The following NFAM1 variants were observed in gnomAD, a reference collection of about 807,000 sequenced individuals.
NFAM1 encodes NFAT activation molecule 1.
NFAM1 carries 17 observed loss-of-function variants against 29.0 expected under a neutral mutation model. The ratio of observed to expected loss-of-function variants is 0.59; its 90% CI spans 0.40 to 0.88. NFAM1 has a LOEUF of 0.88. Ranked by LOEUF, NFAM1 falls within the 40% of genes least tolerant of loss-of-function variation. The pLI, the probability that NFAM1 is intolerant of heterozygous loss-of-function variation, is 0.00. For synonymous variants in NFAM1, 175 were observed against 147.2 expected (o/e 1.19, Z -1.36); for missense variants, 324 against 344.6 (o/e 0.94, Z 0.47).
rs1225785404 is a variant in NFAM1, at chr22:42,396,033, AATGGCTCTT to A, written c.663+1816_663+1824del. ...CCTGGCACATAGTAGGTACACAACA[AATGGCTCTT>A]GATACCATCATCGTTGTGACTGTCA... On this transcript the variant is annotated intron_variant, in intron 4 of 5. Transcript: ENST00000329021. 2.0e-5 allele frequency among the ~76,000 whole-genome samples: 3 copies of A among 152,332 alleles called. No individual in the cohort carries two copies. In the East Asian group the frequency reaches 5.8e-4, roughly 29 times the overall value.
rs142903439 is a variant in NFAM1 at position 42,409,545 on chromosome 22, C to A, written c.454G>T (p.Ala152Ser). ...GSGTFILVRD[A>S]GYREPPQSPQ... ...CTCTGCGGGGGCTCTCGGTACCCTG[C>A]GTCTAGGAGGAAGCGCAGGGGAGCA... is the stretch of plus-strand genomic sequence containing the variant. The change falls in exon 3 of 6, where the codon GCA (alanine) becomes TCA (serine). Residue 152 changes from alanine to serine, a missense_variant and splice_region_variant. Physicochemically the swap from Ala to Ser is moderately conservative, Grantham distance 99. Coordinates refer to ENST00000329021, the MANE Select transcript of NFAM1 (RefSeq NM_145912.8). This position sits in a 1 kb window ranked among gnomAD's most constrained non-coding sequence, Gnocchi z 4.9. 2.7e-6 allele frequency: 4 copies of A among 1,493,212 alleles called. No homozygotes were observed. The East Asian group carries it at 1.0e-4, about 38-fold the overall frequency. 92.5% of individuals were successfully genotyped at this position (1,493,212 alleles called of 1,614,324 possible).
At chr22:42,427,991 T>C (rs1930677753) in intron 1 of NFAM1, among the ~76,000 whole-genome samples, 1 of 152,196 alleles carries the variant, frequency 6.6e-6, no homozygotes, top group Admixed American at 6.5e-5. Flanking sequence ...CAGGACTTTG[T>C]TTTCTAGTGC....
Position 42,419,929 on chromosome 22 carries a change from A to T in NFAM1, c.122-8193T>A, listed in dbSNP as rs1339262335. Among the ~76,000 whole-genome samples, 1 of 145,534 alleles carries T rather than the reference A, an allele frequency of 6.9e-6. No homozygotes were observed. The highest frequency in any genetic ancestry group is 1.5e-5 in the Non-Finnish European group (1 of 66,858). On this transcript the variant is annotated intron_variant, in intron 1 of 5. Coordinates refer to ENST00000329021, the MANE Select transcript of NFAM1 (RefSeq NM_145912.8). This position sits in a 1 kb window ranked among gnomAD's most constrained non-coding sequence, Gnocchi z 4.5. The stretch of plus-strand genomic sequence containing the variant: ...CAGAGAAGGCAAGAGGTTTGCCCAA[A>T]TTGCAGTGGTAGACATGGGATTTTA...
In NFAM1 at chr22:42,388,635, A is replaced by AGGGCGGG. The variant is rs1929230602; in HGVS notation, c.664-1564_664-1558dup. Among the ~76,000 whole-genome samples, 1 of 139,460 alleles carries AGGGCGGG rather than the reference A, an allele frequency of 7.2e-6. No homozygotes were observed. The highest frequency in any genetic ancestry group is 1.6e-5 in the Non-Finnish European group (1 of 63,854). The allele number at this position is 139,460 out of a possible 152,430, so 91.5% of individuals were successfully genotyped here. On this transcript the variant is annotated intron_variant, in intron 4 of 5. Transcript: ENST00000329021. This position sits in a 1 kb window ranked among gnomAD's most constrained non-coding sequence, Gnocchi z 4.1. Reference sequence around the variant, plus strand: ...ACAGGTGGTGCTCAGAGGCAGGAGGAGGGCGGGAGGCGGGAGGGAAGGAGG... The same window carrying AGGGCGGG: ...ACAGGTGGTGCTCAGAGGCAGGAGGAGGGCGGGGGGCGGGAGGCGGGAGGGAAGGAGG...
chr22:42,433,754 T>C (rs1015151163), upstream of NFAM1, among the ~76,000 whole-genome samples: 9 of 152,118 alleles, frequency 5.9e-5, no homozygotes, highest in African/African-American at 1.2e-4. Context: ...GGGACCCCAG[T>C]GTTATTGACT....
intron 4 of NFAM1, among the ~76,000 whole-genome samples, chr22:42,391,363 G>A (rs1468984686): frequency 7.1e-6 from 1 of 139,976 alleles, no homozygotes. Flanking sequence ...GGGGGTGGGG[G>A]TAGGGGGACA....
intron 3 of NFAM1, among the ~76,000 whole-genome samples, chr22:42,406,875 G>C (rs927922513): frequency 1.3e-5 from 2 of 151,172 alleles, no homozygotes; most frequent in African/African-American, 2.4e-5. Flanking sequence ...CCCAGGTTTA[G>C]GTGATTCTCT....
chr22:42,433,772 C>T (rs962292029), upstream of NFAM1, among the ~76,000 whole-genome samples: 2 of 152,158 alleles, frequency 1.3e-5, no homozygotes, highest in African/African-American at 4.8e-5. Context: ...ACTGTTGATC[C>T]ATCACAGTGA....
At chr22:42,412,009 G>A (rs1309675546) in intron 1 of NFAM1, among the ~76,000 whole-genome samples, 6 of 152,296 alleles carry the variant, frequency 3.9e-5, no homozygotes, top group Admixed American at 3.3e-4. Flanking sequence ...AAGGTGGGCC[G>A]ATCACCTGAG....
intron 1 of NFAM1, among the ~76,000 whole-genome samples, chr22:42,422,847 G>A (rs1280536149): frequency 6.6e-6 from 1 of 151,940 alleles, no homozygotes; most frequent in African/African-American, 2.4e-5. Flanking sequence ...GGGCGTGGTG[G>A]CTCACGCCTG....
intron 3 of NFAM1, among the ~76,000 whole-genome samples, chr22:42,403,621 A>G (rs1835439308): frequency 6.6e-6 from 1 of 152,252 alleles, no homozygotes; most frequent in South Asian, 2.1e-4. Flanking sequence ...CCCAGCCTGA[A>G]TGAATGAATT....
intron 1 of NFAM1, among the ~76,000 whole-genome samples, chr22:42,420,462 A>G (rs73173015): frequency 0.062 from 9,346 of 150,884 alleles, 496 homozygotes; most frequent in South Asian, 0.22. Flanking sequence ...ACAAAGAGAG[A>G]CCCTCTCTCA....
At position 42,431,667 on chromosome 22, in the gene NFAM1, TAA is replaced by T. The variant is rs563307863; in HGVS notation, c.121+568_121+569del. Among the ~76,000 whole-genome samples the T allele has an allele frequency of 3.1e-3, 470 of 152,348 alleles. 4 individuals are homozygous for T. Among genetic ancestry groups the T allele is most frequent in the African/African-American group, 0.011 (452 of 41,576 alleles). ...GGCGTGGAAAGACACACTTGCATCC[TAA>T]AACACTTGGCCTCTGGTTGTGTTTC... On this transcript the variant is annotated intron_variant, in intron 1 of 5. Transcript: ENST00000329021.
At chr22:42,413,486 C>T (rs1930160095) in intron 1 of NFAM1, among the ~76,000 whole-genome samples, 1 of 152,120 alleles carries the variant, frequency 6.6e-6, no homozygotes, top group South Asian at 2.1e-4. Context: ...ACTAAAGAGA[C>T]ACCCCCAGGC....
At position 42,409,024 on chromosome 22, in the gene NFAM1, C is replaced by G. The variant is rs1027273165; in HGVS notation, c.564+411G>C. ...GGTTGCTGGAGGGCGTGCGAGAGGG[C>G]GAGTGGGAGGGTGTGTGGGAGAGCA... On this transcript the variant is annotated intron_variant, in intron 3 of 5. Coordinates refer to ENST00000329021, the MANE Select transcript of NFAM1 (RefSeq NM_145912.8). This position sits in a 1 kb window ranked among gnomAD's most constrained non-coding sequence, Gnocchi z 4.9. Among the ~76,000 whole-genome samples the G allele has an allele frequency of 6.6e-6, 1 of 151,616 alleles. No homozygotes were observed. The highest frequency in any genetic ancestry group is 1.5e-5 in the Non-Finnish European group (1 of 67,848).
intron 4 of NFAM1, among the ~76,000 whole-genome samples, chr22:42,389,889 T>G (rs1343325475): frequency 6.6e-6 from 1 of 152,178 alleles, no homozygotes; most frequent in Non-Finnish European, 1.5e-5. Context: ...GGACCTAGTC[T>G]GAGAGTCCTG....
intron 1 of NFAM1, among the ~76,000 whole-genome samples, chr22:42,425,591 G>T (rs2146555382): frequency 6.6e-6 from 1 of 152,174 alleles, no homozygotes; most frequent in African/African-American, 2.4e-5. Context: ...CCCGCCACAG[G>T]ATGCTTTCAG....
upstream of NFAM1, chr22:42,432,406 G>T: frequency 6.7e-7 from 1 of 1,490,712 alleles, no homozygotes; most frequent in Admixed American, 2.5e-5. Context: ...AGGAGGGGAC[G>T]GCCGGCGCTG....
intron 4 of NFAM1, among the ~76,000 whole-genome samples, chr22:42,395,877 T>G (rs1315251970): frequency 8.2e-6 from 1 of 122,300 alleles, no homozygotes; most frequent in Admixed American, 9.8e-5. Context: ...AGCGAGACTC[T>G]GCTCAAAAAA....
Sources: gnomAD v4.1 joint callset for allele counts (sites outside exome capture counted in the v4.1 genomes callset) on GRCh38, gnomAD v4.1.1 for gene constraint, Gnocchi (gnomAD v3.1) non-coding constraint, MANE v1.5 for transcripts, NCBI Gene and HGNC (gene_info 2026-07-23, HGNC 2026-07-21) for gene names.